The following PRDM16 variants were observed in gnomAD, a reference collection of about 807,000 sequenced individuals.
PRDM16 encodes PR/SET domain 16, also known as histone-lysine N-methyltransferase PRDM16.
PRDM16 carries 23 observed loss-of-function variants against 110.6 expected under a neutral mutation model. The observed-to-expected ratio is 0.21, with a 90% CI of 0.15 to 0.29. The LOEUF is 0.29. Among genes scored for constraint, PRDM16 ranks in the 10% least tolerant of loss-of-function variants. The probability of loss-of-function intolerance (pLI) is 1.00; values close to 1 mark genes in which losing one functional copy is unlikely to be tolerated. For missense variants in PRDM16, 1,615 were observed against 1,794.3 expected, an observed-to-expected ratio of 0.90 and a Z score of 1.81; for synonymous variants, 799 against 781.8, an observed-to-expected ratio of 1.02 and a Z score of -0.37.
chr1:3,218,047 G>A (rs988010636), intron 2 of PRDM16, among the ~76,000 whole-genome samples: 6 of 152,222 alleles, frequency 3.9e-5, no homozygotes, highest in African/African-American at 7.2e-5. Flanking sequence ...GCCCTGGGGC[G>A]AGCCCCTCGC....
chr1:3,175,324 G>T lies in PRDM16; in HGVS notation c.38-10801G>T, dbSNP rs775544439. Among the ~76,000 whole-genome samples the T allele has an allele frequency of 2.0e-4, 30 of 152,170 alleles. No homozygotes were observed. The highest frequency in any genetic ancestry group is 2.9e-4 in the Non-Finnish European group (20 of 68,032). On this transcript the variant is annotated intron_variant, in intron 1 of 16. Transcript: ENST00000270722. The surrounding 1 kb of genome is among the most constrained non-coding windows in gnomAD (Gnocchi z 4.8). ...CAGGGTATACTCGGCAGAGATGTAG[G>T]TGTACAGAATCCTCTGTGAGGAATG... is the stretch of plus-strand genomic sequence containing the variant.
At chr1:3,137,180 T>C (rs1270582499) in intron 1 of PRDM16, among the ~76,000 whole-genome samples, 1 of 152,180 alleles carries the variant, frequency 6.6e-6, no homozygotes, top group Non-Finnish European at 1.5e-5. Context: ...CGGCATCCCC[T>C]CCTCAGCCCA....
chr1:3,242,538 G>A (rs1043146709), intron 2 of PRDM16, among the ~76,000 whole-genome samples: 3 of 152,138 alleles, frequency 2.0e-5, no homozygotes, highest in Admixed American at 2.0e-4. Context: ...CCTCCAGCAC[G>A]CCTCGGCCCC....
intron 1 of PRDM16, among the ~76,000 whole-genome samples, chr1:3,119,586 C>T (rs1336393142): frequency 6.6e-6 from 1 of 152,168 alleles, no homozygotes; most frequent in East Asian, 1.9e-4. Flanking sequence ...TGTTTTCTCT[C>T]TGAATCAGGC....
chr1:3,135,214 G>C (rs1190114473), intron 1 of PRDM16, among the ~76,000 whole-genome samples: 3 of 152,282 alleles, frequency 2.0e-5, no homozygotes, highest in Middle Eastern at 6.8e-3. Flanking sequence ...TCGGCCCCAG[G>C]CTCCGCCACC....
At chr1:3,084,024 T>A (rs1178677994) in intron 1 of PRDM16, among the ~76,000 whole-genome samples, 1 of 152,234 alleles carries the variant, frequency 6.6e-6, no homozygotes, top group Non-Finnish European at 1.5e-5. Flanking sequence ...TTCGGAGAGA[T>A]GTCCCTGGGT....
At position 3,433,944 on chromosome 1, in the gene PRDM16, A is replaced by G. The variant is rs1638842520; in HGVS notation, c.*133A>G. The G allele has an allele frequency of 2.2e-6, 2 of 902,020 alleles. No individual in the cohort carries two copies. The highest frequency in any genetic ancestry group is 2.9e-5 in the Admixed American group (1 of 35,056). The allele number at this position is 902,020 out of a possible 1,614,324, so 55.9% of individuals were successfully genotyped here. A position where few individuals can be genotyped will look rare whatever the true frequency, so the allele number is the denominator to read the frequency against. ...GCATCCTCCCCACCCACCATGGTTC[A>G]TTCCGACTTTTCCAATGGAAACTCA... On this transcript the variant is annotated 3_prime_UTR_variant, in exon 17 of 17. Coordinates refer to ENST00000270722, the MANE Select transcript of PRDM16 (RefSeq NM_022114.4).
In PRDM16 at chr1:3,249,676, C is replaced by T. The variant is rs918457829; in HGVS notation, c.438+5539C>T. Among the ~76,000 whole-genome samples the T allele has an allele frequency of 5.9e-5, 9 of 152,168 alleles. No homozygotes were observed. The East Asian group carries it at 9.6e-4, about 16-fold the overall frequency. On this transcript the variant is annotated intron_variant, in intron 3 of 16. Transcript: ENST00000270722. ...TGTTTAGCTGCCCCGGAGACAGCCC[C>T]GAGTTGATTTTGATAATCTCAGCCT...
chr1:3,203,751 C>A (rs1204946268), intron 2 of PRDM16, among the ~76,000 whole-genome samples: 1 of 152,210 alleles, frequency 6.6e-6, no homozygotes, highest in Non-Finnish European at 1.5e-5. Flanking sequence ...ACCACCCTAC[C>A]TGCGTTAACT....
intron 3 of PRDM16, among the ~76,000 whole-genome samples, chr1:3,343,596 T>G (rs1385596636): frequency 6.6e-6 from 1 of 152,042 alleles, no homozygotes; most frequent in Non-Finnish European, 1.5e-5. Flanking sequence ...CACATATCGC[T>G]CAGGCTCTTT....
intron 4 of PRDM16, among the ~76,000 whole-genome samples, chr1:3,388,515 AAGG>A (rs1643240551): frequency 6.6e-6 from 1 of 152,196 alleles, no homozygotes; most frequent in Non-Finnish European, 1.5e-5. Context: ...CCCATTTTCA[AAGG>A]AAAAAGGAGA....
intron 4 of PRDM16, among the ~76,000 whole-genome samples, chr1:3,385,740 G>A (rs540683208): frequency 5.1e-4 from 77 of 149,520 alleles, no homozygotes; most frequent in African/African-American, 1.9e-3. Context: ...GCAGCCACTC[G>A]GGGGGCCTCC....
chr1:3,078,462 C>G (rs1332818364), intron 1 of PRDM16, among the ~76,000 whole-genome samples: 1 of 152,196 alleles, frequency 6.6e-6, no homozygotes, highest in Non-Finnish European at 1.5e-5. Flanking sequence ...CACCCCAACC[C>G]CCGCCGCTCT....
chr1:3,425,405 C>T lies in PRDM16; in HGVS notation c.2940-176C>T. On this transcript the variant is annotated intron_variant, in intron 12 of 16. Coordinates refer to ENST00000270722, the MANE Select transcript of PRDM16 (RefSeq NM_022114.4). This position sits in a 1 kb window ranked among gnomAD's most constrained non-coding sequence, Gnocchi z 6.9. ...CGGGGCTGTTTCTAGGGACAGCTTCCCCAGGATGCCTTTGGCTCTGCAGCT... is the reference window on the plus strand; with the variant it reads ...CGGGGCTGTTTCTAGGGACAGCTTCTCCAGGATGCCTTTGGCTCTGCAGCT... 1 of 617,420 alleles carries T rather than the reference C, an allele frequency of 1.6e-6. No individual in the cohort carries two copies. Among genetic ancestry groups the T allele is most frequent in the Non-Finnish European group, 2.8e-6 (1 of 361,564 alleles). The allele number at this position is 617,420 out of a possible 1,614,324, so 38.2% of individuals were successfully genotyped here. A position where few individuals can be genotyped will look rare whatever the true frequency, so the allele number is the denominator to read the frequency against.
intron 1 of PRDM16, among the ~76,000 whole-genome samples, chr1:3,122,275 C>T (rs1444112471): frequency 6.6e-6 from 1 of 152,146 alleles, no homozygotes; most frequent in African/African-American, 2.4e-5. Context: ...GCTGGGCCCT[C>T]GACGCTCTCT....
At chr1:3,191,210 A>G (rs1025964742) in intron 2 of PRDM16, among the ~76,000 whole-genome samples, 21 of 152,192 alleles carry the variant, frequency 1.4e-4, no homozygotes, top group African/African-American at 5.1e-4. Context: ...TGGGGTTTCA[A>G]TTATTTGAAG....
intron 3 of PRDM16, among the ~76,000 whole-genome samples, chr1:3,276,106 G>A (rs1230128202): frequency 6.6e-6 from 1 of 152,276 alleles, no homozygotes; most frequent in Non-Finnish European, 1.5e-5. Flanking sequence ...AAAACCTGGA[G>A]TTGAAAGGGC....
rs2100918815 is a variant in PRDM16, at chr1:3,246,867, C to G, written c.438+2730C>G. Reference sequence around the variant, plus strand: ...ATGAGCTAAAATTCAAAGGCAAAGTCTTCAGACTCGGGGGCCAGGAAGACC... The same window carrying G: ...ATGAGCTAAAATTCAAAGGCAAAGTGTTCAGACTCGGGGGCCAGGAAGACC... On this transcript the variant is annotated intron_variant, in intron 3 of 16. Coordinates refer to ENST00000270722, the MANE Select transcript of PRDM16 (RefSeq NM_022114.4). This position sits in a 1 kb window ranked among gnomAD's most constrained non-coding sequence, Gnocchi z 5.2. Among the ~76,000 whole-genome samples the G allele has an allele frequency of 6.6e-6, 1 of 152,232 alleles. No individual in the cohort carries two copies. The highest frequency in any genetic ancestry group is 1.9e-4 in the East Asian group (1 of 5,180).
At chr1:3,137,872 C>T (rs531535136) in intron 1 of PRDM16, among the ~76,000 whole-genome samples, 13 of 152,358 alleles carry the variant, frequency 8.5e-5, no homozygotes, top group Non-Finnish European at 1.8e-4. Flanking sequence ...GCCATCCTCC[C>T]TCGCCGATGC....
Sources: gnomAD v4.1 joint callset for allele counts (sites outside exome capture counted in the v4.1 genomes callset) on GRCh38, gnomAD v4.1.1 for gene constraint, Gnocchi (gnomAD v3.1) non-coding constraint, MANE v1.5 for transcripts, NCBI Gene and HGNC (gene_info 2026-07-23, HGNC 2026-07-21) for gene names.